Variants in ESRRG observed in about 807,000 individuals in gnomAD.
The protein encoded by ESRRG is estrogen-related receptor gamma.
ESRRG carries 13 observed loss-of-function variants against 44.0 expected under a neutral mutation model. The observed-to-expected ratio is 0.30, with a 90% confidence interval of 0.19 to 0.47. The LOEUF (loss-of-function observed/expected upper bound fraction) is 0.47, where lower values mean the gene tolerates loss of function less well. Ranked by LOEUF, ESRRG falls within the 20% of genes least tolerant of loss-of-function variation. ESRRG has a pLI of 1.00. For synonymous variants in ESRRG, 215 were observed against 214.6 expected (o/e 1.00, Z -0.02); for missense variants, 395 against 580.6 (o/e 0.68, Z 3.29).
intron 1 of ESRRG, among the ~76,000 whole-genome samples, chr1:217,025,398 T>C (rs2081024357): frequency 6.6e-6 from 1 of 152,156 alleles, no homozygotes; most frequent in Non-Finnish European, 1.5e-5. Context: ...GATTTGGCTA[T>C]TTTCTGTACC....
chr1:216,683,896 C>G (rs2077472968), intron 1 of ESRRG, among the ~76,000 whole-genome samples: 1 of 152,102 alleles, frequency 6.6e-6, no homozygotes, highest in African/African-American at 2.4e-5. Flanking sequence ...CTGGATACCC[C>G]TAAATCCGAG....
At chr1:216,544,735 G>GTTTGTTTTGT (rs55675595) in intron 5 of ESRRG, among the ~76,000 whole-genome samples, 60 of 151,158 alleles carry the variant, frequency 4.0e-4, no homozygotes, top group Middle Eastern at 3.4e-3. Flanking sequence ...AAAAAACACT[G>GTTTGTTTTGT]TTTGTTTTGT....
chr1:217,002,023 C>T (rs960539306), intron 1 of ESRRG, among the ~76,000 whole-genome samples: 13 of 151,656 alleles, frequency 8.6e-5, no homozygotes, highest in African/African-American at 2.9e-4. Context: ...AAGGAGCACC[C>T]GGGCATGATG....
At chr1:216,690,873 C>A (rs928672257) in intron 1 of ESRRG, among the ~76,000 whole-genome samples, 16 of 152,042 alleles carry the variant, frequency 1.1e-4, no homozygotes, top group Non-Finnish European at 1.6e-4. Flanking sequence ...TTAACTAAGG[C>A]CTGCAGTGAA....
chr1:216,826,560 CT>C (rs1447328095), intron 2 of ESRRG, among the ~76,000 whole-genome samples: 1 of 152,128 alleles, frequency 6.6e-6, no homozygotes, highest in African/African-American at 2.4e-5. Context: ...AGAAATTGTT[CT>C]TATAAATATT....
chr1:217,071,166 G>T (rs549931409), intron 1 of ESRRG, among the ~76,000 whole-genome samples: 10 of 152,158 alleles, frequency 6.6e-5, no homozygotes, highest in Non-Finnish European at 1.3e-4. Context: ...GCTTTTTATT[G>T]TGATTGCCTT....
At chr1:217,081,429 G>A (rs780036947) in intron 1 of ESRRG, among the ~76,000 whole-genome samples, 4 of 151,744 alleles carry the variant, frequency 2.6e-5, no homozygotes, top group Admixed American at 6.6e-5. Context: ...GTTTCTCCAC[G>A]TTGGTCAGGC....
At chr1:216,675,539 G>A (rs371458979) in intron 2 of ESRRG, among the ~76,000 whole-genome samples, 1 of 152,182 alleles carries the variant, frequency 6.6e-6, no homozygotes, top group South Asian at 2.1e-4. Context: ...ATTAGTTTCA[G>A]TTCTGTCCAG....
At chr1:216,775,709 G>A (rs1033256562) in intron 2 of ESRRG, among the ~76,000 whole-genome samples, 1 of 151,396 alleles carries the variant, frequency 6.6e-6, no homozygotes, top group Non-Finnish European at 1.5e-5. Context: ...GCACCACCAT[G>A]CCTAGCTATT....
At chr1:216,884,047 C>G (rs554199050) in intron 2 of ESRRG, among the ~76,000 whole-genome samples, 2 of 152,164 alleles carry the variant, frequency 1.3e-5, no homozygotes, top group African/African-American at 4.8e-5. Flanking sequence ...TCAGCATTAC[C>G]AAACTTCTTA....
At chr1:216,955,467 T>C (rs1332777693) in intron 1 of ESRRG, among the ~76,000 whole-genome samples, 1 of 152,210 alleles carries the variant, frequency 6.6e-6, no homozygotes, top group Non-Finnish European at 1.5e-5. Context: ...GATGATTCCA[T>C]ATCTTGGCAA....
At chr1:216,696,584 AT>A (rs2080206017) in intron 1 of ESRRG, among the ~76,000 whole-genome samples, 1 of 152,204 alleles carries the variant, frequency 6.6e-6, no homozygotes, top group African/African-American at 2.4e-5. Flanking sequence ...AACTTAAAAA[AT>A]ACTAAGATTA....
intron 1 of ESRRG, among the ~76,000 whole-genome samples, chr1:217,004,899 A>C (rs1345958769): frequency 1.3e-5 from 2 of 152,186 alleles, no homozygotes; most frequent in Non-Finnish European, 1.5e-5. Flanking sequence ...TGGACTTTTT[A>C]CTACCAAGGA....
At chr1:217,129,670 A>C (rs1447341292) in intron 1 of ESRRG, among the ~76,000 whole-genome samples, 1 of 152,250 alleles carries the variant, frequency 6.6e-6, no homozygotes, top group African/African-American at 2.4e-5. Flanking sequence ...TAACAAATGA[A>C]GTTATATGAA....
intron 2 of ESRRG, among the ~76,000 whole-genome samples, chr1:216,750,252 C>T (rs936660220): frequency 1.8e-4 from 28 of 152,100 alleles, no homozygotes; most frequent in Non-Finnish European, 2.9e-4. Flanking sequence ...GACATCGCCT[C>T]GGAGAGAACA....
chr1:216,814,048 T>G (rs1171958256), intron 2 of ESRRG, among the ~76,000 whole-genome samples: 1 of 152,150 alleles, frequency 6.6e-6, no homozygotes, highest in Non-Finnish European at 1.5e-5. Context: ...CTCAACCCAA[T>G]TATTTCCCAT....
intron 2 of ESRRG, among the ~76,000 whole-genome samples, chr1:216,772,141 A>C (rs954732510): frequency 1.3e-5 from 2 of 152,116 alleles, no homozygotes; most frequent in South Asian, 4.1e-4. Flanking sequence ...TGAGCTGAAG[A>C]ATGGAGGCCC....
chr1:216,721,985 G>A (rs2086423504), intron 1 of ESRRG, among the ~76,000 whole-genome samples: 1 of 152,182 alleles, frequency 6.6e-6, no homozygotes, highest in Non-Finnish European at 1.5e-5. Flanking sequence ...GTGGGTGGAT[G>A]TGCATGTGTG....
rs1206520199 is a variant in ESRRG at position 216,779,402 on chromosome 1, ATAT to A, written c.-13-101914_-13-101912del. ...TGTATTTATATTTAAATAACTATAAATATTATAAAATAAATATTTATAAATTTA... is the reference window on the plus strand; with the variant it reads ...TGTATTTATATTTAAATAACTATAAATATAAAATAAATATTTATAAATTTA... On this transcript the variant is annotated intron_variant, in intron 2 of 7. Transcript: ENST00000359162. Among the ~76,000 whole-genome samples, 24 of 85,582 alleles carry A rather than the reference ATAT, an allele frequency of 2.8e-4. No individual in the cohort carries two copies. The South Asian group carries it at 9.8e-3, about 35-fold the overall frequency. The allele number at this position is 85,582 out of a possible 152,430, so 56.1% of individuals were successfully genotyped here.
Sources: gnomAD v4.1 joint callset for allele counts (sites outside exome capture counted in the v4.1 genomes callset) on GRCh38, gnomAD v4.1.1 for gene constraint, MANE v1.5 for transcripts, NCBI Gene and HGNC (gene_info 2026-07-23, HGNC 2026-07-21) for gene names.